Variants in PRKN observed in about 807,000 individuals in gnomAD.
PRKN encodes the protein parkin RBR E3 ubiquitin protein ligase.
In PRKN, 56 loss-of-function variants were observed where a neutral mutation model predicts 59.5. The ratio of observed to expected loss-of-function variants is 0.94; its 90% CI spans 0.76 to 1.18. PRKN has a LOEUF of 1.18. PRKN is among the 50% of genes most tolerant of loss of function. The probability of loss-of-function intolerance (pLI) is 0.00; values close to 1 mark genes in which losing one functional copy is unlikely to be tolerated. For synonymous variants in PRKN, 250 were observed against 222.1 expected (o/e 1.13, Z -1.12); for missense variants, 657 against 596.4 (o/e 1.10, Z -1.06).
intron 6 of PRKN, among the ~76,000 whole-genome samples, chr6:161,852,218 G>C (rs1273636444): frequency 1.3e-5 from 2 of 152,002 alleles, no homozygotes; most frequent in Non-Finnish European, 2.9e-5. Flanking sequence ...GGCTGAGATG[G>C]GAGGATCCCT....
chr6:161,361,207 C>T lies in PRKN; in HGVS notation c.1168-1002G>A, dbSNP rs140240664. On this transcript the variant is annotated intron_variant, in intron 10 of 11. Coordinates refer to ENST00000366898, the MANE Select transcript of PRKN (RefSeq NM_004562.3). The surrounding 1 kb of genome is among the most constrained non-coding windows in gnomAD (Gnocchi z 5.2). ...AATCCAAACTTTGTCATTTCACTTT[C>T]GAATTCCAAGCCTTTTTGAAATGTT... Among the ~76,000 whole-genome samples the T allele has an allele frequency of 2.6e-5, 4 of 152,162 alleles. No individual in the cohort carries two copies. The highest frequency in any genetic ancestry group is 1.3e-4 in the Admixed American group (2 of 15,274).
Position 161,356,833 on chromosome 6 carries a change from T to C in PRKN, c.1285+3255A>G, listed in dbSNP as rs1278102064. ...GAGACACTAAGGAAGCAGCTGGCTA[T>C]TGGAGTCGGACCGAGGGGCGAGATG... On this transcript the variant is annotated intron_variant, in intron 11 of 11. Coordinates refer to ENST00000366898, the MANE Select transcript of PRKN (RefSeq NM_004562.3). The surrounding 1 kb of genome is among the most constrained non-coding windows in gnomAD (Gnocchi z 7.8). 6.6e-6 allele frequency among the ~76,000 whole-genome samples: 1 copy of C among 152,086 alleles called. No individual in the cohort carries two copies. The highest frequency in any genetic ancestry group is 1.5e-5 in the Non-Finnish European group (1 of 68,016).
At chr6:162,438,224 G>C (rs1789877841) in intron 2 of PRKN, among the ~76,000 whole-genome samples, 1 of 152,016 alleles carries the variant, frequency 6.6e-6, no homozygotes, top group African/African-American at 2.4e-5. Context: ...ACCTTTCCTT[G>C]CATCTGTGTT....
chr6:162,380,287 C>T lies in PRKN; in HGVS notation c.171+63023G>A, dbSNP rs140382107. 3.4e-3 allele frequency among the ~76,000 whole-genome samples: 522 copies of T among 151,468 alleles called. 4 individuals carry two copies. Among genetic ancestry groups the T allele is most frequent in the African/African-American group, 0.012 (507 of 41,284 alleles). On this transcript the variant is annotated intron_variant, in intron 2 of 11. Coordinates refer to ENST00000366898, the MANE Select transcript of PRKN (RefSeq NM_004562.3). The stretch of plus-strand genomic sequence containing the variant: ...TCATCAGTTTACAGAAGAGATTTCT[C>T]AAAGGAACACAGAGTTCTGAATACA...
chr6:161,447,089 T>C lies in PRKN; in HGVS notation c.1084-60212A>G, dbSNP rs2115108551. ...AAGTCAATACAAGGAAAATATCCTTTTTTAATCCCATTTTCCTTCTCACCC... is the reference window on the plus strand; with the variant it reads ...AAGTCAATACAAGGAAAATATCCTTCTTTAATCCCATTTTCCTTCTCACCC... On this transcript the variant is annotated intron_variant, in intron 9 of 11. Transcript: ENST00000366898. The surrounding 1 kb of genome is among the most constrained non-coding windows in gnomAD (Gnocchi z 4.1). Among the ~76,000 whole-genome samples, 1 of 152,334 alleles carries C rather than the reference T, an allele frequency of 6.6e-6. No individual in the cohort carries two copies. Among genetic ancestry groups the C allele is most frequent in the South Asian group, 2.1e-4 (1 of 4,820 alleles).
intron 1 of PRKN, among the ~76,000 whole-genome samples, chr6:162,609,219 G>C (rs1782041062): frequency 6.6e-6 from 1 of 152,166 alleles, no homozygotes; most frequent in African/African-American, 2.4e-5. Context: ...AAAGGGGCAG[G>C]ACTAACTTGA....
At chr6:161,722,606 A>T (rs984352913) in intron 7 of PRKN, among the ~76,000 whole-genome samples, 2 of 152,148 alleles carry the variant, frequency 1.3e-5, no homozygotes, top group African/African-American at 4.8e-5. Flanking sequence ...ATATCAGCAA[A>T]TTTCTGCCCC....
chr6:161,839,733 C>T (rs1281432565), intron 6 of PRKN, among the ~76,000 whole-genome samples: 1 of 152,172 alleles, frequency 6.6e-6, no homozygotes. Context: ...AGCTTGGATG[C>T]TACGTGGAGC....
At position 161,445,718 on chromosome 6, in the gene PRKN, C is replaced by CG. The variant is rs745606626; in HGVS notation, c.1084-58842dup. Among the ~76,000 whole-genome samples, 16 of 152,286 alleles carry CG rather than the reference C, an allele frequency of 1.1e-4. No homozygotes were observed. Among genetic ancestry groups the CG allele is most frequent in the Middle Eastern group, 3.4e-3 (1 of 292 alleles). ...AGAGTGCATGGTCTCCCTTCACGTG[C>CG]GGGGCCAGGTGACTGCACAGAGTGA... On this transcript the variant is annotated intron_variant, in intron 9 of 11. Transcript: ENST00000366898. The surrounding 1 kb of genome is among the most constrained non-coding windows in gnomAD (Gnocchi z 7.7).
At chr6:161,678,991 A>C (rs1319581262) in intron 7 of PRKN, among the ~76,000 whole-genome samples, 1 of 152,232 alleles carries the variant, frequency 6.6e-6, no homozygotes, top group Non-Finnish European at 1.5e-5. Context: ...ATTTGAGGGA[A>C]GGACAGACAC....
At position 161,410,593 on chromosome 6, in the gene PRKN, C is replaced by T. The variant is rs145657760; in HGVS notation, c.1084-23716G>A. Among the ~76,000 whole-genome samples, 99 of 152,172 alleles carry T rather than the reference C, an allele frequency of 6.5e-4. No individual in the cohort carries two copies. The highest frequency in any genetic ancestry group is 1.1e-3 in the Non-Finnish European group (73 of 68,014). On this transcript the variant is annotated intron_variant, in intron 9 of 11. Coordinates refer to ENST00000366898, the MANE Select transcript of PRKN (RefSeq NM_004562.3). The surrounding 1 kb of genome is among the most constrained non-coding windows in gnomAD (Gnocchi z 5.3). ...ACACACAGCAGCGAGAGGGGAAGGG[C>T]GAGCTATTTCCTCCATTCTGGTGCT...
intron 3 of PRKN, among the ~76,000 whole-genome samples, chr6:162,238,279 T>C (rs748510754): frequency 5.3e-5 from 8 of 152,192 alleles, no homozygotes; most frequent in Non-Finnish European, 7.4e-5. Context: ...AGAAACATGC[T>C]GCATGGGTTT....
intron 6 of PRKN, among the ~76,000 whole-genome samples, chr6:161,862,361 T>C (rs1793937311): frequency 6.6e-6 from 1 of 152,170 alleles, no homozygotes; most frequent in Admixed American, 6.5e-5. Flanking sequence ...CCTTGGCAAC[T>C]CTAAGTGGGA....
intron 6 of PRKN, among the ~76,000 whole-genome samples, chr6:161,857,836 G>A (rs7752114): frequency 0.5 from 75,420 of 151,670 alleles, 18,964 homozygotes; most frequent in East Asian, 0.76. Flanking sequence ...TAAGGTGTGA[G>A]GTTGGAAAGA....
intron 6 of PRKN, among the ~76,000 whole-genome samples, chr6:161,919,726 G>C (rs547036585): frequency 6.6e-6 from 1 of 152,338 alleles, no homozygotes; most frequent in South Asian, 2.1e-4. Context: ...ACATGCCACA[G>C]AGCAAATGCT....
chr6:161,641,088 G>A (rs550566170), intron 7 of PRKN, among the ~76,000 whole-genome samples: 1 of 152,282 alleles, frequency 6.6e-6, no homozygotes, highest in East Asian at 1.9e-4. Context: ...CCCGGGCATA[G>A]GACAAACTGA....
At chr6:162,464,698 G>A (rs905788966) in intron 1 of PRKN, among the ~76,000 whole-genome samples, 2 of 150,868 alleles carry the variant, frequency 1.3e-5, no homozygotes, top group Admixed American at 6.6e-5. Context: ...GCGTGGTGGC[G>A]GGCGCCTGTA....
chr6:162,469,580 C>T (rs1791624258), intron 1 of PRKN, among the ~76,000 whole-genome samples: 1 of 151,844 alleles, frequency 6.6e-6, no homozygotes, highest in African/African-American at 2.4e-5. Flanking sequence ...GCATTTGCAG[C>T]AACCTGGATG....
At chr6:162,397,793 T>G (rs1336027014) in intron 2 of PRKN, among the ~76,000 whole-genome samples, 1 of 152,082 alleles carries the variant, frequency 6.6e-6, no homozygotes. Context: ...TCCTAGCACT[T>G]TGGGAGGCCA....
Sources: gnomAD v4.1 joint callset for allele counts (sites outside exome capture counted in the v4.1 genomes callset) on GRCh38, gnomAD v4.1.1 for gene constraint, Gnocchi (gnomAD v3.1) non-coding constraint, MANE v1.5 for transcripts, NCBI Gene and HGNC (gene_info 2026-07-23, HGNC 2026-07-21) for gene names.